LYRM4: variants seen among roughly 807,000 people sequenced by gnomAD.
LYRM4 encodes LYR motif-containing protein 4.
A neutral mutation model predicts 11.7 loss-of-function variants in LYRM4; 9 were observed. The ratio of observed to expected loss-of-function variants is 0.77; its 90% confidence interval spans 0.46 to 1.34. LYRM4 has a LOEUF of 1.34. Among genes scored for constraint, LYRM4 ranks in the 40% most tolerant of loss-of-function variants. The pLI is 0.00. For synonymous variants in LYRM4, 42 were observed against 40.4 expected (o/e 1.04, Z -0.15); for missense variants, 133 against 112.5 (o/e 1.18, Z -0.82).
rs1561819122 is a variant in LYRM4 at position 5,134,898 on chromosome 6, GCTGTGGAGGGTGCGGTTCACTCCTGGGA to G, written c.208-25435_208-25408del. ...CTCCCTTGGTAACGGCACTCCTAGG[GCTGTGGAGGGTGCGGTTCACTCCTGGGA>G]CTGTGGAGGGTGCGGATCACTCCCG... On this transcript the variant is annotated intron_variant, in intron 2 of 2. Coordinates refer to ENST00000330636, the MANE Select transcript of LYRM4 (RefSeq NM_020408.6). 7.3e-3 allele frequency among the ~76,000 whole-genome samples: 1,109 copies of G among 151,778 alleles called. 66 individuals carry two copies. Among genetic ancestry groups the G allele is most frequent in the African/African-American group, 0.025 (1,013 of 41,226 alleles).
chr6:5,086,595 G>A, the LYRM4 span: 9 of 1,445,662 alleles, frequency 6.2e-6, no homozygotes, highest in Non-Finnish European at 7.3e-6. Flanking sequence ...GTGGGGCGGG[G>A]TTGATTAGCA....
At chr6:5,154,838 A>G (rs989381765) in intron 2 of LYRM4, among the ~76,000 whole-genome samples, 35 of 152,172 alleles carry the variant, frequency 2.3e-4, no homozygotes, top group African/African-American at 7.5e-4. Flanking sequence ...ATGAATAAAT[A>G]AAAATAAAAA....
intron 2 of LYRM4, among the ~76,000 whole-genome samples, chr6:5,189,361 T>TAGCCTAAGGTTAGTGGTG (rs1760619837): frequency 6.6e-6 from 1 of 150,850 alleles, no homozygotes; most frequent in Non-Finnish European, 1.5e-5. Flanking sequence ...GGTTAGTGCT[T>TAGCCTAAGGTTAGTGGTG]AGCCTAAGGT....
intron 2 of LYRM4, among the ~76,000 whole-genome samples, chr6:5,193,514 T>C (rs1760883576): frequency 6.6e-6 from 1 of 152,196 alleles, no homozygotes; most frequent in African/African-American, 2.4e-5. Context: ...GTGTGTTGTG[T>C]TTCTGTCTTC....
chr6:5,243,888 C>A (rs1431107912), intron 1 of LYRM4, among the ~76,000 whole-genome samples: 2 of 152,156 alleles, frequency 1.3e-5, no homozygotes, highest in East Asian at 3.9e-4. Flanking sequence ...TGACATGAAC[C>A]TTTTTTATTC....
At chr6:5,235,427 A>T (rs1218231203) in intron 1 of LYRM4, among the ~76,000 whole-genome samples, 1 of 152,246 alleles carries the variant, frequency 6.6e-6, no homozygotes, top group Non-Finnish European at 1.5e-5. Flanking sequence ...CACAAGAATG[A>T]TATATATCAA....
At chr6:5,079,407 G>C in the LYRM4 span, among the ~76,000 whole-genome samples, 1 of 152,202 alleles carries the variant, frequency 6.6e-6, no homozygotes, top group African/African-American at 2.4e-5. Context: ...GAATATTTAT[G>C]TCCTGCTTTT....
the LYRM4 span, chr6:5,033,283 C>A: frequency 6.6e-6 from 1 of 152,000 alleles, no homozygotes. Flanking sequence ...GGGGTGTGTT[C>A]TTCCTGCCAC....
At chr6:5,214,984 T>A (rs1762192665) in intron 2 of LYRM4, among the ~76,000 whole-genome samples, 2 of 151,314 alleles carry the variant, frequency 1.3e-5, no homozygotes, top group Admixed American at 1.3e-4. Context: ...ACTGCTCCAG[T>A]GCGTCTGTCC....
chr6:5,081,302 T>C, the LYRM4 span, among the ~76,000 whole-genome samples: 7 of 152,252 alleles, frequency 4.6e-5, no homozygotes, highest in East Asian at 1.3e-3. Flanking sequence ...AAGCAGTCCA[T>C]CCCCACCATC....
chr6:5,048,721 G>A, the LYRM4 span, among the ~76,000 whole-genome samples: 2 of 152,158 alleles, frequency 1.3e-5, no homozygotes, highest in South Asian at 4.1e-4. Context: ...AGCCCCATGT[G>A]TACAATGATT....
intron 2 of LYRM4, among the ~76,000 whole-genome samples, chr6:5,156,603 T>G (rs899819653): frequency 2.6e-5 from 4 of 152,222 alleles, no homozygotes; most frequent in African/African-American, 9.6e-5. Flanking sequence ...TCTGGATGGG[T>G]GACCTGCGGA....
chr6:5,119,557 C>T (rs1235068500), intron 2 of LYRM4, among the ~76,000 whole-genome samples: 1 of 151,988 alleles, frequency 6.6e-6, no homozygotes, highest in Non-Finnish European at 1.5e-5. Context: ...GAGGCTGAGG[C>T]GGGCGGATCA....
At chr6:5,100,822 G>C (rs377402779), downstream of LYRM4, among the ~76,000 whole-genome samples, 1 of 152,300 alleles carries the variant, frequency 6.6e-6, no homozygotes, top group East Asian at 1.9e-4. Flanking sequence ...AGTCTTTCAG[G>C]ATCAAAGTGC....
intron 2 of LYRM4, among the ~76,000 whole-genome samples, chr6:5,201,593 C>T (rs913827426): frequency 3.9e-5 from 6 of 152,094 alleles, no homozygotes; most frequent in African/African-American, 1.4e-4. Flanking sequence ...AACCATCTGT[C>T]TTTCCAAACC....
the LYRM4 span, among the ~76,000 whole-genome samples, chr6:5,067,700 T>G: frequency 6.6e-6 from 1 of 152,190 alleles, no homozygotes; most frequent in African/African-American, 2.4e-5. Flanking sequence ...AACTAATGGA[T>G]TTTTTTGTAG....
At chr6:5,213,535 A>C (rs1357825273) in intron 2 of LYRM4, among the ~76,000 whole-genome samples, 2 of 152,180 alleles carry the variant, frequency 1.3e-5, no homozygotes, top group Non-Finnish European at 2.9e-5. Context: ...ATCCATGTGC[A>C]CCTGGGTGGG....
chr6:5,218,760 T>G (rs755242374), intron 1 of LYRM4, among the ~76,000 whole-genome samples: 13 of 152,248 alleles, frequency 8.5e-5, no homozygotes, highest in Non-Finnish European at 1.8e-4. Context: ...GGGAGGATTT[T>G]ACAAATGGAA....
In LYRM4 at chr6:5,244,266, T is replaced by C. The variant is rs185377696; in HGVS notation, c.86+16382A>G. On this transcript the variant is annotated intron_variant, in intron 1 of 2. Transcript: ENST00000330636. ...CAACTGTATTCTAAGGGTAGTGTCCTGAGCACATTTAAAATTGGCTAGCTA... is the reference window on the plus strand; with the variant it reads ...CAACTGTATTCTAAGGGTAGTGTCCCGAGCACATTTAAAATTGGCTAGCTA... 1.3e-4 allele frequency among the ~76,000 whole-genome samples: 20 copies of C among 152,356 alleles called. No homozygotes were observed. In the East Asian group the frequency reaches 3.7e-3, roughly 28 times the overall value.
Sources: allele counts gnomAD v4.1 joint callset (sites outside exome capture counted in the v4.1 genomes callset), GRCh38; gene constraint gnomAD v4.1.1; transcripts MANE v1.5; gene names NCBI Gene and HGNC (gene_info 2026-07-23, HGNC 2026-07-21).